Variants in ZHX2 observed in about 807,000 individuals in gnomAD.
ZHX2 encodes zinc fingers and homeoboxes 2.
ZHX2 carries 6 observed loss-of-function variants against 21.9 expected under a neutral mutation model. The observed-to-expected ratio is 0.27, with a 90% confidence interval of 0.15 to 0.54. The LOEUF (loss-of-function observed/expected upper bound fraction) is 0.54. Among genes scored for constraint, ZHX2 ranks in the 20% least tolerant of loss-of-function variants. The pLI, the probability that ZHX2 is intolerant of heterozygous loss-of-function variation, is 0.95. For missense variants in ZHX2, 908 were observed against 1,090.7 expected (o/e 0.83, Z 2.36); for synonymous variants, 434 against 437.1 (o/e 0.99, Z 0.09).
intron 2 of ZHX2, among the ~76,000 whole-genome samples, chr8:122,889,590 T>C (rs887624466): frequency 1.3e-5 from 2 of 152,224 alleles, no homozygotes; most frequent in Non-Finnish European, 2.9e-5. Context: ...TTTTTTGCTG[T>C]TGAATTTCTT....
intron 2 of ZHX2, among the ~76,000 whole-genome samples, chr8:122,902,081 C>T (rs747272476): frequency 6.6e-6 from 1 of 152,068 alleles, no homozygotes; most frequent in Non-Finnish European, 1.5e-5. Context: ...TGCAGCCTAG[C>T]ATAAACCTAC....
At chr8:122,813,122 G>A (rs2130612691) in intron 1 of ZHX2, among the ~76,000 whole-genome samples, 1 of 152,058 alleles carries the variant, frequency 6.6e-6, no homozygotes, top group Admixed American at 6.5e-5. Flanking sequence ...CTTGAACCTG[G>A]GAGGCGGAGG....
intron 1 of ZHX2, among the ~76,000 whole-genome samples, chr8:122,790,763 A>G (rs1453303259): frequency 6.6e-6 from 1 of 152,124 alleles, no homozygotes; most frequent in African/African-American, 2.4e-5. Flanking sequence ...GCACGCCACC[A>G]TGCCTGGCTA....
chr8:122,881,542 C>T (rs1303724370), intron 2 of ZHX2, among the ~76,000 whole-genome samples: 1 of 152,100 alleles, frequency 6.6e-6, no homozygotes, highest in East Asian at 1.9e-4. Flanking sequence ...ACATAGGAAC[C>T]GTTTGGTAAA....
chr8:122,791,371 C>T (rs999315696), intron 1 of ZHX2, among the ~76,000 whole-genome samples: 1 of 152,202 alleles, frequency 6.6e-6, no homozygotes, highest in Non-Finnish European at 1.5e-5. Flanking sequence ...CCTGCAGCAG[C>T]CGCTGCAGCC....
intron 1 of ZHX2, among the ~76,000 whole-genome samples, chr8:122,838,001 G>A (rs530944044): frequency 6.6e-6 from 1 of 152,346 alleles, no homozygotes; most frequent in African/African-American, 2.4e-5. Context: ...GCTTAGGGGA[G>A]AGGAGGGTGG....
At chr8:122,885,322 A>G (rs746912821) in intron 2 of ZHX2, among the ~76,000 whole-genome samples, 1 of 152,180 alleles carries the variant, frequency 6.6e-6, no homozygotes, top group Non-Finnish European at 1.5e-5. Flanking sequence ...TGCATTTGTC[A>G]TCTTCTGAGG....
chr8:122,850,223 C>G (rs969776662), intron 1 of ZHX2, among the ~76,000 whole-genome samples: 2 of 152,174 alleles, frequency 1.3e-5, no homozygotes, highest in South Asian at 2.1e-4. Flanking sequence ...CGCACCCCCC[C>G]TCAGGTGCCC....
chr8:122,805,325 C>CA (rs558211302), intron 1 of ZHX2, among the ~76,000 whole-genome samples: 233 of 152,318 alleles, frequency 1.5e-3, no homozygotes, highest in African/African-American at 5.4e-3. Flanking sequence ...TCCCATCAGT[C>CA]ACTGGCCATG....
chr8:122,869,325 G>A (rs201648518), intron 2 of ZHX2, among the ~76,000 whole-genome samples: 1 of 145,032 alleles, frequency 6.9e-6, no homozygotes, highest in Admixed American at 6.9e-5. Context: ...ATCCTTTTTT[G>A]TTTTTTTTTT....
intron 2 of ZHX2, among the ~76,000 whole-genome samples, chr8:122,865,664 G>A (rs1435965362): frequency 6.6e-6 from 1 of 152,210 alleles, no homozygotes; most frequent in Non-Finnish European, 1.5e-5. Context: ...CTCCTCCTAA[G>A]ATAGAGATAG....
chr8:122,795,303 G>A (rs894394587), intron 1 of ZHX2, among the ~76,000 whole-genome samples: 2 of 152,240 alleles, frequency 1.3e-5, no homozygotes, highest in Admixed American at 1.3e-4. Flanking sequence ...GTCTATCCCA[G>A]GCCAGCTTTG....
At chr8:122,955,381 G>A (rs2130307935) in intron 3 of ZHX2, among the ~76,000 whole-genome samples, 1 of 152,238 alleles carries the variant, frequency 6.6e-6, no homozygotes, top group South Asian at 2.1e-4. Flanking sequence ...ATAAAGGTAA[G>A]AACCTCCAGA....
At chr8:122,898,528 A>G (rs1389578199) in intron 2 of ZHX2, among the ~76,000 whole-genome samples, 4 of 152,206 alleles carry the variant, frequency 2.6e-5, no homozygotes, top group African/African-American at 9.6e-5. Flanking sequence ...AACTAAGCCT[A>G]GTTCCCCCAC....
chr8:122,915,028 C>G (rs118100337), intron 2 of ZHX2, among the ~76,000 whole-genome samples: 114 of 152,372 alleles, frequency 7.5e-4, no homozygotes, highest in Non-Finnish European at 1.2e-3. Flanking sequence ...CTCCTGGTGA[C>G]TTTCAGCAGC....
intron 1 of ZHX2, among the ~76,000 whole-genome samples, chr8:122,843,095 G>A (rs1468317305): frequency 6.6e-6 from 1 of 152,230 alleles, no homozygotes; most frequent in Non-Finnish European, 1.5e-5. Context: ...TTGCAGTGGA[G>A]CATCCCTGAC....
At chr8:122,820,422 G>A (rs950556452) in intron 1 of ZHX2, among the ~76,000 whole-genome samples, 2 of 152,238 alleles carry the variant, frequency 1.3e-5, no homozygotes, top group Admixed American at 1.3e-4. Context: ...AAAAATGGCC[G>A]TGTTCTGAGG....
intron 2 of ZHX2, among the ~76,000 whole-genome samples, chr8:122,916,476 C>CTTTCTT (rs964192056): frequency 5.9e-5 from 9 of 152,106 alleles, no homozygotes; most frequent in South Asian, 2.1e-4. Context: ...GCTTCGGTGC[C>CTTTCTT]TTTCTTTTTC....
rs1301216088 is a variant in ZHX2 at position 122,782,469 on chromosome 8, G to A, written c.-283+523G>A. Among the ~76,000 whole-genome samples, 1 of 152,174 alleles carries A rather than the reference G, an allele frequency of 6.6e-6. No homozygotes were observed. Among genetic ancestry groups the A allele is most frequent in the African/African-American group, 2.4e-5 (1 of 41,440 alleles). On this transcript the variant is annotated intron_variant, in intron 1 of 3. Transcript: ENST00000314393. This position sits in a 1 kb window ranked among gnomAD's most constrained non-coding sequence, Gnocchi z 5.3. Reference sequence around the variant, plus strand: ...CCGGGACGTGGCCCCGTCTCCGCGCGTTTTGGCAGGCGGGGGGCTGCGTGT... The same window carrying A: ...CCGGGACGTGGCCCCGTCTCCGCGCATTTTGGCAGGCGGGGGGCTGCGTGT...
Sources: gnomAD v4.1 joint callset for allele counts (sites outside exome capture counted in the v4.1 genomes callset) on GRCh38, gnomAD v4.1.1 for gene constraint, Gnocchi (gnomAD v3.1) non-coding constraint, MANE v1.5 for transcripts, NCBI Gene and HGNC (gene_info 2026-07-23, HGNC 2026-07-21) for gene names.